CDK5RAP2: variants seen among roughly 807,000 people sequenced by gnomAD.
CDK5RAP2 encodes the protein CDK5 regulatory subunit-associated protein 2.
A neutral mutation model predicts 232.9 loss-of-function variants in CDK5RAP2; 147 were observed. The observed-to-expected ratio is 0.63, with a 90% CI of 0.55 to 0.72. CDK5RAP2 has a LOEUF of 0.72. Among genes scored for constraint, CDK5RAP2 ranks in the 30% least tolerant of loss-of-function variants. CDK5RAP2 has a pLI of 0.00. For synonymous variants in CDK5RAP2, 833 were observed against 833.7 expected, an observed-to-expected ratio of 1.00 and a Z score of 0.01; for missense variants, 2,195 against 2,231.5, an observed-to-expected ratio of 0.98 and a Z score of 0.33.
intron 5 of CDK5RAP2, among the ~76,000 whole-genome samples, chr9:120,541,055 TA>T (rs2041611020): frequency 6.6e-6 from 1 of 152,232 alleles, no homozygotes; most frequent in Admixed American, 6.5e-5. Context: ...AGGAGCATTA[TA>T]CACGGCCGAA....
chr9:120,397,514 G>A (rs1301367518), intron 35 of CDK5RAP2, among the ~76,000 whole-genome samples: 14 of 119,388 alleles, frequency 1.2e-4, no homozygotes, highest in Non-Finnish European at 1.9e-4. Flanking sequence ...TTACAGGCAT[G>A]AGCCACCATC....
At chr9:120,441,733 A>G (rs2035910108) in intron 23 of CDK5RAP2, among the ~76,000 whole-genome samples, 1 of 152,226 alleles carries the variant, frequency 6.6e-6, no homozygotes, top group Non-Finnish European at 1.5e-5. Context: ...ACCATAAAGT[A>G]TGGCATTTCA....
intron 14 of CDK5RAP2, among the ~76,000 whole-genome samples, chr9:120,486,906 G>A (rs1357440453): frequency 6.6e-6 from 1 of 152,170 alleles, no homozygotes; most frequent in African/African-American, 2.4e-5. Context: ...TATTGCTGGC[G>A]ACGAAAGAAA....
intron 6 of CDK5RAP2, among the ~76,000 whole-genome samples, chr9:120,537,033 G>A (rs377622972): frequency 4.6e-5 from 7 of 151,476 alleles, no homozygotes; most frequent in East Asian, 3.9e-4. Context: ...AGAAGCCAAC[G>A]AGGAAATTAT....
chr9:120,461,432 A>G (rs554961024), intron 18 of CDK5RAP2, among the ~76,000 whole-genome samples: 2 of 152,250 alleles, frequency 1.3e-5, no homozygotes, highest in Admixed American at 1.3e-4. Context: ...CAAAAATTCT[A>G]GTCATGGGGC....
intron 21 of CDK5RAP2, among the ~76,000 whole-genome samples, chr9:120,448,538 GCTA>G (rs1469341436): frequency 1.3e-5 from 2 of 152,130 alleles, no homozygotes; most frequent in East Asian, 1.9e-4. Flanking sequence ...TACTTTGGTG[GCTA>G]CTAAGTTGCC....
intron 28 of CDK5RAP2, among the ~76,000 whole-genome samples, chr9:120,413,451 C>T (rs1226478703): frequency 6.6e-6 from 1 of 151,760 alleles, no homozygotes; most frequent in African/African-American, 2.4e-5. Context: ...ACTTTTATTC[C>T]TTTGTATTCC....
Position 120,516,506 on chromosome 9 carries a change from T to TA in CDK5RAP2, c.1311+1920dup, listed in dbSNP as rs1344565516. ...CATTGTGCACATGTACCCTAAAACTTAAAGTATAATAATAAAAAATAAAAA... is the reference window on the plus strand; with the variant it reads ...CATTGTGCACATGTACCCTAAAACTTAAAAGTATAATAATAAAAAATAAAAA... On this transcript the variant is annotated intron_variant, in intron 12 of 37. Transcript: ENST00000349780. Among the ~76,000 whole-genome samples, 4 of 152,022 alleles carry TA rather than the reference T, an allele frequency of 2.6e-5. No homozygotes were observed. In the East Asian group the frequency reaches 7.7e-4, roughly 29 times the overall value.
At chr9:120,507,347 A>T (rs1347354579) in intron 12 of CDK5RAP2, among the ~76,000 whole-genome samples, 1 of 152,184 alleles carries the variant, frequency 6.6e-6, no homozygotes, top group Non-Finnish European at 1.5e-5. Context: ...CCATTTTACC[A>T]ATCAGAAAAC....
chr9:120,390,355 G>T lies in CDK5RAP2; in HGVS notation c.5579-568C>A, dbSNP rs116281595. 8.9e-3 allele frequency: 1,425 copies of T among 159,358 alleles called. 25 individuals carry two copies. The highest frequency in any genetic ancestry group is 0.033 in the African/African-American group (1,359 of 41,776). The allele number at this position is 159,358 out of a possible 1,614,324, so 9.9% of individuals were successfully genotyped here. On this transcript the variant is annotated intron_variant, in intron 36 of 37. Transcript: ENST00000349780. ...ACCGTGGGCATGCTGCTTCTCCTTT[G>T]CCTGCCCTTTAGCTGGTGGAATAGC...
chr9:120,512,746 C>T (rs1184744823), intron 12 of CDK5RAP2, among the ~76,000 whole-genome samples: 1 of 152,162 alleles, frequency 6.6e-6, no homozygotes, highest in East Asian at 1.9e-4. Flanking sequence ...TTCTATGTAA[C>T]GACGGCTGAG....
At chr9:120,511,313 A>C (rs7026746) in intron 12 of CDK5RAP2, among the ~76,000 whole-genome samples, 12,022 of 152,218 alleles carry the variant, frequency 0.079, 1,535 homozygotes, top group African/African-American at 0.27. Context: ...TGTACATAGG[A>C]TTTAGGTCAG....
chr9:120,411,331 A>G (rs756050397), intron 29 of CDK5RAP2, 27 bp downstream of exon 29: 1 of 1,362,224 alleles, frequency 7.3e-7, no homozygotes, highest in Admixed American at 1.7e-5. Flanking sequence ...GGCGTTCCAG[A>G]CTTCCAGTGA....
At position 120,409,347 on chromosome 9, in the gene CDK5RAP2, G is replaced by A. The variant is rs59881140; in HGVS notation, c.4415-31C>T. The A allele has an allele frequency of 5.7e-4, 855 of 1,511,652 alleles. 5 individuals are homozygous for A. In the East Asian group the frequency reaches 0.015, roughly 27 times the overall value. The allele number at this position is 1,511,652 out of a possible 1,614,324, so 93.6% of individuals were successfully genotyped here. On this transcript the variant is annotated intron_variant, in intron 29 of 37. Transcript: ENST00000349780. ...AACATAAAAAGGTGCCACTGAGAAG[G>A]GCCACCATTTGTTTTTTCCAACCTT...
At chr9:120,486,546 G>A (rs548946504) in intron 14 of CDK5RAP2, among the ~76,000 whole-genome samples, 5 of 152,018 alleles carry the variant, frequency 3.3e-5, no homozygotes, top group Non-Finnish European at 7.4e-5. Flanking sequence ...ACTGGGATTC[G>A]GAACATGTGC....
At chr9:120,553,481 G>GA (rs1203506424) in intron 3 of CDK5RAP2, among the ~76,000 whole-genome samples, 3 of 151,918 alleles carry the variant, frequency 2.0e-5, no homozygotes, top group East Asian at 3.9e-4. Flanking sequence ...GCCTTTGTGG[G>GA]AAAAAAAATT....
intron 5 of CDK5RAP2, 67 bp downstream of exon 5, chr9:120,545,647 C>T (rs1338604289): frequency 5.2e-6 from 6 of 1,145,618 alleles, no homozygotes; most frequent in South Asian, 2.4e-5. Flanking sequence ...GAAAAGTGTA[C>T]GGCTCTATTT....
rs2032945995 is a variant in CDK5RAP2 at position 120,400,856 on chromosome 9, A to C, written c.5337T>G (p.Phe1779Leu). 1 of 1,614,006 alleles carries C rather than the reference A, an allele frequency of 6.2e-7. No homozygotes were observed. The highest frequency in any genetic ancestry group is 8.5e-7 in the Non-Finnish European group (1 of 1,180,028). The change falls in exon 35 of 38, where the codon TTT (phenylalanine) becomes TTG (leucine). Residue 1779 changes from phenylalanine (F) to leucine (L), a missense_variant. Physicochemically the swap from Phe to Leu is conservative, Grantham distance 22. Coordinates refer to ENST00000349780, the MANE Select transcript of CDK5RAP2 (RefSeq NM_018249.6). ...KGPHPAPLSK[F>L]VSSVSTAKLT... Reference sequence around the variant, plus strand: ...GCTTGGCCGTGCTCACACTGCTCACAAACTTGCTCAGTGGTGCTGGGTGTG... The same window carrying C: ...GCTTGGCCGTGCTCACACTGCTCACCAACTTGCTCAGTGGTGCTGGGTGTG...
intron 6 of CDK5RAP2, among the ~76,000 whole-genome samples, chr9:120,536,929 T>C (rs1253355339): frequency 6.7e-6 from 1 of 149,644 alleles, no homozygotes; most frequent in African/African-American, 2.5e-5. Context: ...AGATAATGAC[T>C]GAACAATTCT....
Sources: gnomAD v4.1 joint callset for allele counts (sites outside exome capture counted in the v4.1 genomes callset) on GRCh38, gnomAD v4.1.1 for gene constraint, MANE v1.5 for transcripts, NCBI Gene and HGNC (gene_info 2026-07-23, HGNC 2026-07-21) for gene names.